Variants in EXOC4 observed in about 807,000 individuals in gnomAD.
EXOC4 encodes the protein exocyst complex component 4, also known as SEC8-like 1.
EXOC4 carries 71 observed loss-of-function variants against 107.2 expected under a neutral mutation model. That is an observed-to-expected ratio of 0.66 (90% confidence interval 0.55 to 0.81). The LOEUF (loss-of-function observed/expected upper bound fraction) is 0.81. Ranked by LOEUF, EXOC4 falls within the 30% of genes least tolerant of loss-of-function variation. The probability of loss-of-function intolerance (pLI) is 0.00; values close to 1 mark genes in which losing one functional copy is unlikely to be tolerated. For missense variants in EXOC4, 1,108 were observed against 1,189.6 expected, an observed-to-expected ratio of 0.93 and a Z score of 1.01; for synonymous variants, 456 against 441.2, an observed-to-expected ratio of 1.03 and a Z score of -0.42.
chr7:133,361,610 G>A (rs1191586007), intron 6 of EXOC4, among the ~76,000 whole-genome samples: 2 of 152,104 alleles, frequency 1.3e-5, no homozygotes, highest in African/African-American at 4.8e-5. Context: ...TTCATGTAAT[G>A]GATAATGTTT....
intron 3 of EXOC4, among the ~76,000 whole-genome samples, chr7:133,305,575 T>A (rs954263662): frequency 6.6e-6 from 1 of 152,190 alleles, no homozygotes; most frequent in East Asian, 1.9e-4. Flanking sequence ...ATGTGAATGA[T>A]AGTATCATTT....
intron 7 of EXOC4, among the ~76,000 whole-genome samples, chr7:133,385,728 G>C (rs1185015619): frequency 8.4e-6 from 1 of 119,330 alleles, no homozygotes; most frequent in Non-Finnish European, 1.8e-5. Context: ...TAGCACCAAA[G>C]AGTCAAATAT....
intron 14 of EXOC4, among the ~76,000 whole-genome samples, chr7:133,992,092 T>A (rs1393865255): frequency 6.6e-6 from 1 of 152,194 alleles, no homozygotes; most frequent in Admixed American, 6.5e-5. Context: ...TCCAGGAGTG[T>A]GCATATCTTT....
At chr7:133,395,178 A>C (rs960610293) in intron 7 of EXOC4, among the ~76,000 whole-genome samples, 1 of 151,564 alleles carries the variant, frequency 6.6e-6, no homozygotes, top group African/African-American at 2.4e-5. Flanking sequence ...GTGAAAGGGT[A>C]AATGCAACTT....
At chr7:134,046,239 TGGGAGGCTGAGAC>T (rs1212403457) in intron 17 of EXOC4, among the ~76,000 whole-genome samples, 4 of 152,086 alleles carry the variant, frequency 2.6e-5, no homozygotes, top group Non-Finnish European at 5.9e-5. Context: ...CCCACCACGT[TGGGAGGCTGAGAC>T]AGGCGGATCG....
intron 10 of EXOC4, among the ~76,000 whole-genome samples, chr7:133,713,946 G>A (rs563932596): frequency 1.3e-5 from 2 of 152,154 alleles, no homozygotes; most frequent in East Asian, 3.9e-4. Context: ...GACTAGTACA[G>A]TATCATAGAA....
intron 7 of EXOC4, among the ~76,000 whole-genome samples, chr7:133,409,645 A>G (rs1167101382): frequency 2.6e-5 from 4 of 152,138 alleles, no homozygotes; most frequent in Non-Finnish European, 4.4e-5. Context: ...AATATTAACA[A>G]TTGACCTTAT....
At chr7:133,437,931 T>C (rs1054298206) in intron 7 of EXOC4, among the ~76,000 whole-genome samples, 3 of 152,236 alleles carry the variant, frequency 2.0e-5, no homozygotes, top group Non-Finnish European at 4.4e-5. Context: ...ACTCCATTTT[T>C]AGCACCATTT....
intron 11 of EXOC4, 134 bp downstream of exon 11, chr7:133,817,678 C>A: frequency 1.6e-6 from 1 of 629,284 alleles, no homozygotes; most frequent in Non-Finnish European, 2.7e-6. Context: ...AATAAATAGG[C>A]ACTAGGGAAA....
At chr7:133,474,645 C>T (rs1310600943) in intron 7 of EXOC4, among the ~76,000 whole-genome samples, 1 of 152,022 alleles carries the variant, frequency 6.6e-6, no homozygotes, top group Non-Finnish European at 1.5e-5. Context: ...AGCTGCTTTT[C>T]TTGTGTTGAA....
chr7:133,529,418 A>C (rs1383189205), intron 9 of EXOC4, among the ~76,000 whole-genome samples: 3 of 152,160 alleles, frequency 2.0e-5, no homozygotes, highest in Non-Finnish European at 4.4e-5. Flanking sequence ...TAAGTTTCTC[A>C]TACTTATCAG....
chr7:133,462,770 A>G (rs1798624909), intron 7 of EXOC4, among the ~76,000 whole-genome samples: 1 of 152,198 alleles, frequency 6.6e-6, no homozygotes, highest in East Asian at 1.9e-4. Flanking sequence ...AAAAAATTAG[A>G]TAAATTTAGA....
At chr7:133,620,730 T>A (rs1802310135) in intron 9 of EXOC4, among the ~76,000 whole-genome samples, 1 of 152,190 alleles carries the variant, frequency 6.6e-6, no homozygotes, top group African/African-American at 2.4e-5. Flanking sequence ...GTTCCCCAGC[T>A]CACACACATG....
At chr7:134,019,493 A>G (rs535669180) in intron 17 of EXOC4, among the ~76,000 whole-genome samples, 2 of 152,256 alleles carry the variant, frequency 1.3e-5, no homozygotes, top group East Asian at 3.9e-4. Context: ...CTGTTATATA[A>G]TGATCTCAGC....
chr7:133,750,412 A>T (rs2151137810), intron 10 of EXOC4, among the ~76,000 whole-genome samples: 1 of 152,066 alleles, frequency 6.6e-6, no homozygotes, highest in Admixed American at 6.6e-5. Context: ...CTAATCGGAG[A>T]TTCAGAGCAC....
chr7:133,358,171 G>C (rs1391253570), intron 6 of EXOC4, among the ~76,000 whole-genome samples: 1 of 152,088 alleles, frequency 6.6e-6, no homozygotes, highest in African/African-American at 2.4e-5. Flanking sequence ...GGTTGACAGA[G>C]TGAAACTTCA....
chr7:133,820,474 A>G (rs1797493764), intron 11 of EXOC4, among the ~76,000 whole-genome samples: 1 of 152,092 alleles, frequency 6.6e-6, no homozygotes, highest in Non-Finnish European at 1.5e-5. Flanking sequence ...TTAATATTTT[A>G]TTCCCAGCTA....
chr7:133,811,144 C>T (rs1585164738), intron 10 of EXOC4, among the ~76,000 whole-genome samples: 1 of 152,026 alleles, frequency 6.6e-6, no homozygotes, highest in African/African-American at 2.4e-5. Flanking sequence ...ACAGATATAC[C>T]TGTATGTTGT....
intron 9 of EXOC4, among the ~76,000 whole-genome samples, chr7:133,496,783 T>C (rs1341397808): frequency 6.6e-6 from 1 of 152,140 alleles, no homozygotes; most frequent in Non-Finnish European, 1.5e-5. Flanking sequence ...ATTTTTCCCC[T>C]TTGGGTGGTA....
Sources: allele counts gnomAD v4.1 joint callset (sites outside exome capture counted in the v4.1 genomes callset), GRCh38; gene constraint gnomAD v4.1.1; transcripts MANE v1.5; gene names NCBI Gene and HGNC (gene_info 2026-07-23, HGNC 2026-07-21).